Variants in RBM47 observed in about 807,000 individuals in gnomAD.
The protein encoded by RBM47 is RNA-binding protein 47.
Under a neutral mutation model 47.1 loss-of-function variants are expected in RBM47, and 21 were observed. The observed-to-expected ratio is 0.45, with a 90% CI of 0.32 to 0.64. RBM47 has a LOEUF of 0.64. Ranked by LOEUF, RBM47 falls within the 30% of genes least tolerant of loss-of-function variation. RBM47 has a pLI of 0.05. For synonymous variants in RBM47, 375 were observed against 361.7 expected (o/e 1.04, Z -0.42); for missense variants, 708 against 870.9 (o/e 0.81, Z 2.35).
chr4:40,571,370 G>A (rs112645317), intron 1 of RBM47, among the ~76,000 whole-genome samples: 162 of 152,114 alleles, frequency 1.1e-3, no homozygotes, highest in African/African-American at 3.8e-3. Flanking sequence ...AGGAACTACT[G>A]AATAAGTGGT....
intron 2 of RBM47, among the ~76,000 whole-genome samples, chr4:40,502,899 G>T (rs1380719019): frequency 6.6e-6 from 1 of 151,476 alleles, no homozygotes; most frequent in South Asian, 2.1e-4. Flanking sequence ...CAGCACTTTG[G>T]GAGGCCAAGG....
At chr4:40,432,475 T>C (rs1196161171) in intron 6 of RBM47, among the ~76,000 whole-genome samples, 176 bp downstream of exon 6, 1 of 152,190 alleles carries the variant, frequency 6.6e-6, no homozygotes, top group Admixed American at 6.5e-5. Flanking sequence ...GGTAGTACAA[T>C]TAATTAAAAA....
At chr4:40,524,783 G>C (rs1726539092) in intron 2 of RBM47, among the ~76,000 whole-genome samples, 1 of 152,154 alleles carries the variant, frequency 6.6e-6, no homozygotes, top group Non-Finnish European at 1.5e-5. Flanking sequence ...ACCACGCTCG[G>C]CTAATGCTCA....
chr4:40,443,113 A>G (rs1713911876), intron 3 of RBM47, among the ~76,000 whole-genome samples: 1 of 152,214 alleles, frequency 6.6e-6, no homozygotes. Context: ...AGAGTAGTCA[A>G]ATTCATAGAC....
intron 1 of RBM47, among the ~76,000 whole-genome samples, chr4:40,626,352 AGAT>A (rs1280105322): frequency 1.1e-4 from 16 of 152,338 alleles, no homozygotes; most frequent in African/African-American, 3.4e-4. Flanking sequence ...TTTTACCAAG[AGAT>A]GATATCTTGA....
chr4:40,432,243 C>G (rs866718069), intron 6 of RBM47, among the ~76,000 whole-genome samples: 3 of 137,052 alleles, frequency 2.2e-5, no homozygotes, highest in Admixed American at 1.5e-4. Flanking sequence ...CACACACACA[C>G]GGGGGTTAAC....
At chr4:40,463,177 C>T (rs569428902) in intron 3 of RBM47, among the ~76,000 whole-genome samples, 63 of 152,168 alleles carry the variant, frequency 4.1e-4, no homozygotes, top group African/African-American at 1.3e-3. Flanking sequence ...ATTATACATC[C>T]GCAAAGATAT....
intron 5 of RBM47, among the ~76,000 whole-genome samples, chr4:40,434,361 G>C (rs1025623072): frequency 6.6e-6 from 1 of 152,174 alleles, no homozygotes; most frequent in Non-Finnish European, 1.5e-5. Context: ...GGGGCCCAGA[G>C]AGGGTTGTGA....
intron 6 of RBM47, 117 bp downstream of exon 6, chr4:40,432,534 C>G (rs997398374): frequency 2.5e-4 from 381 of 1,520,622 alleles, no homozygotes; most frequent in Non-Finnish European, 3.2e-4. Flanking sequence ...TGTCACCCAA[C>G]CATAGCTGTA....
At chr4:40,515,124 ACT>A (rs1465471371) in intron 2 of RBM47, among the ~76,000 whole-genome samples, 1 of 152,136 alleles carries the variant, frequency 6.6e-6, no homozygotes, top group East Asian at 1.9e-4. Context: ...TTAAGACCCA[ACT>A]CTGCTCCAAA....
At chr4:40,444,156 G>A (rs921217637) in intron 3 of RBM47, among the ~76,000 whole-genome samples, 2 of 152,142 alleles carry the variant, frequency 1.3e-5, no homozygotes, top group Non-Finnish European at 2.9e-5. Context: ...CTGTGACTGC[G>A]CCACTGCACT....
At chr4:40,609,357 C>T (rs1206676253) in intron 1 of RBM47, among the ~76,000 whole-genome samples, 1 of 150,144 alleles carries the variant, frequency 6.7e-6, no homozygotes, top group Non-Finnish European at 1.5e-5. Context: ...CTATGGCCCA[C>T]ATTGGAGTGC....
In RBM47 at chr4:40,423,712, C is replaced by T. The variant is rs66940499; in HGVS notation, c.*2192G>A. 0.018 allele frequency: 933 copies of T among 51,318 alleles called. 8 individuals are homozygous for T. Among genetic ancestry groups the T allele is most frequent in the East Asian group, 0.11 (131 of 1,198 alleles). 3.2% of individuals were successfully genotyped at this position (51,318 alleles called of 1,614,324 possible). ...TCTTTCTTTCTTTCTTTCTTTCTTT[C>T]TTTTCTTTCTTTTCTTTCTTCCTCT... On this transcript the variant is annotated 3_prime_UTR_variant, in exon 7 of 7. Transcript: ENST00000295971.
chr4:40,501,598 T>G (rs1238812092), intron 2 of RBM47, among the ~76,000 whole-genome samples: 1 of 152,218 alleles, frequency 6.6e-6, no homozygotes, highest in Non-Finnish European at 1.5e-5. Context: ...TTAAACAAAT[T>G]TAAATAACTG....
At chr4:40,610,943 T>G (rs1010954131) in intron 1 of RBM47, among the ~76,000 whole-genome samples, 2 of 152,222 alleles carry the variant, frequency 1.3e-5, no homozygotes, top group African/African-American at 4.8e-5. Context: ...CATGGGGAAC[T>G]GTTAAGTCCA....
At chr4:40,595,736 C>T (rs1176028532) in intron 1 of RBM47, among the ~76,000 whole-genome samples, 1 of 151,604 alleles carries the variant, frequency 6.6e-6, no homozygotes, top group Admixed American at 6.6e-5. Context: ...TATATTTAGT[C>T]TCTTCTAAAA....
Position 40,570,361 on chromosome 4 carries a change from T to G in RBM47, c.-239-25855A>C, listed in dbSNP as rs191775170. 1.4e-4 allele frequency among the ~76,000 whole-genome samples: 21 copies of G among 152,002 alleles called. No individual in the cohort carries two copies. In the East Asian group the frequency reaches 4.0e-3, roughly 29 times the overall value. ...CCCATCTGGGGGTGATGGGAGACAG[T>G]GACAGATCATCAGGCATTAGATTCT... On this transcript the variant is annotated intron_variant, in intron 1 of 6. Coordinates refer to ENST00000295971, the MANE Select transcript of RBM47 (RefSeq NM_001098634.2).
At chr4:40,485,698 T>C (rs1720973107) in intron 2 of RBM47, among the ~76,000 whole-genome samples, 1 of 152,130 alleles carries the variant, frequency 6.6e-6, no homozygotes, top group African/African-American at 2.4e-5. Context: ...GTCATGATTC[T>C]GGATAATTAC....
intron 1 of RBM47, among the ~76,000 whole-genome samples, chr4:40,596,603 T>C (rs1030207094): frequency 5.3e-5 from 8 of 152,126 alleles, no homozygotes; most frequent in Non-Finnish European, 1.2e-4. Flanking sequence ...TCCAATAACA[T>C]TGTATTTATG....
Sources: allele counts gnomAD v4.1 joint callset (sites outside exome capture counted in the v4.1 genomes callset), GRCh38; gene constraint gnomAD v4.1.1; transcripts MANE v1.5; gene names NCBI Gene and HGNC (gene_info 2026-07-23, HGNC 2026-07-21).